Variants in SVOPL observed in about 807,000 individuals in gnomAD.
SVOPL encodes the protein SVOP like.
A neutral mutation model predicts 61.0 loss-of-function variants in SVOPL; 60 were observed. That is an observed-to-expected ratio of 0.98 (90% CI 0.80 to 1.22). The LOEUF (loss-of-function observed/expected upper bound fraction) is 1.22. Among genes scored for constraint, SVOPL ranks in the 50% most tolerant of loss-of-function variants. The pLI is 0.00. For synonymous variants in SVOPL, 279 were observed against 250.0 expected (o/e 1.12, Z -1.09); for missense variants, 662 against 643.9 (o/e 1.03, Z -0.30).
chr7:138,672,650 TG>T lies in SVOPL; in HGVS notation c.175-534del, dbSNP rs1474416161. ...TCATCAGCAGGAAAGTGTTTTTTTT[TG>T]TGTTTAAAAAAAAAAAAAAAAAAAG... is the stretch of plus-strand genomic sequence containing the variant. On this transcript the variant is annotated intron_variant, in intron 3 of 15. Coordinates refer to ENST00000674285, the MANE Select transcript of SVOPL (RefSeq NM_001139456.2). Among the ~76,000 whole-genome samples the T allele has an allele frequency of 6.3e-4, 61 of 97,398 alleles. 1 individual carries two copies. In the South Asian group the frequency reaches 0.02, roughly 31 times the overall value. 63.9% of individuals were successfully genotyped at this position (97,398 alleles called of 152,430 possible). A position where few individuals can be genotyped will look rare whatever the true frequency, so the allele number is the denominator to read the frequency against.
intron 14 of SVOPL, among the ~76,000 whole-genome samples, chr7:138,607,068 A>C (rs1798792406): frequency 6.6e-6 from 1 of 151,548 alleles, no homozygotes; most frequent in African/African-American, 2.4e-5. Context: ...AAGTGATATG[A>C]AGGAAAAGCT....
intron 14 of SVOPL, among the ~76,000 whole-genome samples, chr7:138,605,242 C>T (rs147967173): frequency 1.5e-3 from 212 of 145,254 alleles, no homozygotes; most frequent in African/African-American, 4.4e-3. Context: ...AGAGAAGAAA[C>T]GGAGAATGAC....
At chr7:138,664,161 C>T in intron 4 of SVOPL, 1 of 939,738 alleles carries the variant, frequency 1.1e-6, no homozygotes, top group Non-Finnish European at 1.3e-6. Flanking sequence ...CTCAGTGGTG[C>T]CCCCTTCTTG....
At chr7:138,656,870 C>A (rs1202066026) in intron 6 of SVOPL, among the ~76,000 whole-genome samples, 1 of 151,998 alleles carries the variant, frequency 6.6e-6, no homozygotes, top group African/African-American at 2.4e-5. Context: ...TGGAAAAACC[C>A]CGTTTCTACT....
chr7:138,647,869 A>G (rs1801200969), intron 8 of SVOPL, among the ~76,000 whole-genome samples: 1 of 101,352 alleles, frequency 9.9e-6, no homozygotes, highest in South Asian at 4.2e-4. Flanking sequence ...AAAAAAAAAT[A>G]GTCACATGCC....
At chr7:138,661,372 A>G in intron 5 of SVOPL, 2 of 985,272 alleles carry the variant, frequency 2.0e-6, no homozygotes, top group Non-Finnish European at 2.4e-6. Context: ...ATATGTTTTA[A>G]CTCCGTACAT....
intron 9 of SVOPL, among the ~76,000 whole-genome samples, chr7:138,631,335 G>A (rs149541368): frequency 2.0e-5 from 3 of 152,090 alleles, no homozygotes; most frequent in Non-Finnish European, 4.4e-5. Context: ...TTCAAGTTAC[G>A]AACAATCCAA....
chr7:138,633,768 T>C lies in SVOPL; in HGVS notation c.790-3646A>G, dbSNP rs192168640. ...TATGGGGAAGGTTCAGCATACTGAA[T>C]GCTCACGATATTTGCATTACTATGG... On this transcript the variant is annotated intron_variant, in intron 9 of 15. Coordinates refer to ENST00000674285, the MANE Select transcript of SVOPL (RefSeq NM_001139456.2). Among the ~76,000 whole-genome samples, 273 of 152,332 alleles carry C rather than the reference T, an allele frequency of 1.8e-3. 2 individuals carry two copies. The highest frequency in any genetic ancestry group is 6.4e-3 in the African/African-American group (268 of 41,570).
intron 9 of SVOPL, among the ~76,000 whole-genome samples, chr7:138,641,834 A>T (rs1800804738): frequency 3.4e-5 from 1 of 29,492 alleles, no homozygotes; most frequent in Non-Finnish European, 8.2e-5. Flanking sequence ...ATATATATAT[A>T]ACATATATAT....
intron 1 of SVOPL, among the ~76,000 whole-genome samples, chr7:138,695,671 T>C (rs762240004): frequency 2.0e-5 from 3 of 152,138 alleles, no homozygotes; most frequent in Non-Finnish European, 4.4e-5. Flanking sequence ...GAAGTAGTAG[T>C]TGACCAAGAG....
chr7:138,652,298 T>C (rs1432889828), intron 7 of SVOPL, among the ~76,000 whole-genome samples: 1 of 152,086 alleles, frequency 6.6e-6, no homozygotes, highest in Non-Finnish European at 1.5e-5. Flanking sequence ...GTGATCCTCC[T>C]ACCTCAGCCT....
chr7:138,689,800 T>C (rs1196267509), intron 1 of SVOPL, among the ~76,000 whole-genome samples: 1 of 140,770 alleles, frequency 7.1e-6, no homozygotes, highest in Admixed American at 7.6e-5. Flanking sequence ...GAGGTTGCAG[T>C]GAGCTGAGAT....
chr7:138,672,022 G>A lies in SVOPL; in HGVS notation c.270C>T (p.Thr90=). Residue 90 remains threonine (T), a synonymous_variant, in exon 4 of 16, where the codon ACC becomes ACT. Transcript: ENST00000674285. ...QLENWQVALV[T]TMVFFGYMVF... Reference sequence around the variant, plus strand: ...GGCACAGGGAGCAGGTACTTACCGTGGTTACTAATGCCACCTGCCAATTCT... The same window carrying A: ...GGCACAGGGAGCAGGTACTTACCGTAGTTACTAATGCCACCTGCCAATTCT... The A allele has an allele frequency of 6.4e-7, 1 of 1,551,614 alleles. No individual in the cohort carries two copies. The highest frequency in any genetic ancestry group is 8.7e-7 in the Non-Finnish European group (1 of 1,146,934).
rs756933873 is a variant in SVOPL, at chr7:138,644,747, C to T, written c.759G>A (p.Met253Ile). ...CGGGCTCCACCAGCTTCCCCTCCGG[C>T]ATGACCGAGCGGTTCATCTTGGCAA... is the stretch of plus-strand genomic sequence containing the variant. ...ERVAKMNRSV[M>I]PEGKLVEPVL... The change falls in exon 9 of 16, where the codon ATG (methionine) becomes ATA (isoleucine). Residue 253 changes from methionine to isoleucine, a missense_variant. By Grantham distance (10) the Met-to-Ile change is conservative (BLOSUM62 1). Transcript: ENST00000674285. 1.2e-6 allele frequency: 2 copies of T among 1,614,062 alleles called. No homozygotes were observed. Among genetic ancestry groups the T allele is most frequent in the African/African-American group, 2.7e-5 (2 of 74,936 alleles).
At chr7:138,630,295 C>T (rs1246330246) in intron 9 of SVOPL, among the ~76,000 whole-genome samples, 173 bp from the exon 10 acceptor site, 1 of 152,190 alleles carries the variant, frequency 6.6e-6, no homozygotes, top group Non-Finnish European at 1.5e-5. Context: ...TTGTTTTAAA[C>T]ACATCTGTCT....
At chr7:138,627,250 G>C in intron 12 of SVOPL, 100 bp downstream of exon 12, 1 of 849,380 alleles carries the variant, frequency 1.2e-6, no homozygotes, top group Non-Finnish European at 1.9e-6. Flanking sequence ...TACTCTCCTG[G>C]GTGAAAGTGA....
rs575802654 is a variant in SVOPL at position 138,617,414 on chromosome 7, A to G, written c.1353+3632T>C. Among the ~76,000 whole-genome samples, 68 of 152,220 alleles carry G rather than the reference A, an allele frequency of 4.5e-4. 1 individual carries two copies. Among genetic ancestry groups the G allele is most frequent in the Non-Finnish European group, 8.2e-4 (56 of 68,038 alleles). On this transcript the variant is annotated intron_variant, in intron 14 of 15. Transcript: ENST00000674285. ...ATAAGAAGGAGGAGCAAGAAGAAGG[A>G]AAAAGAAAAAGTGGAAGAACAAGAG...
At chr7:138,614,409 T>C (rs1346140949) in intron 14 of SVOPL, among the ~76,000 whole-genome samples, 1 of 124,928 alleles carries the variant, frequency 8.0e-6, no homozygotes, top group South Asian at 2.3e-4. Flanking sequence ...TTTTTTTTTT[T>C]TTTTGAGACA....
chr7:138,611,852 G>T (rs1217281425), intron 14 of SVOPL, among the ~76,000 whole-genome samples: 4 of 68,424 alleles, frequency 5.8e-5, no homozygotes, highest in African/African-American at 9.8e-5. Flanking sequence ...CCAAAGTGCC[G>T]AGATTGCAGC....
Sources: gnomAD v4.1 joint callset for allele counts (sites outside exome capture counted in the v4.1 genomes callset) on GRCh38, gnomAD v4.1.1 for gene constraint, MANE v1.5 for transcripts, NCBI Gene and HGNC (gene_info 2026-07-23, HGNC 2026-07-21) for gene names.